The following APPL1 variants were observed in gnomAD, a reference collection of about 807,000 sequenced individuals.
APPL1 encodes DCC-interacting protein 13-alpha.
APPL1 carries 42 observed loss-of-function variants against 106.8 expected under a neutral mutation model. The observed-to-expected ratio is 0.39, with a 90% CI of 0.31 to 0.51. APPL1 has a LOEUF of 0.51. APPL1 is among the 20% of genes least tolerant of loss of function. The pLI, the probability that APPL1 is intolerant of heterozygous loss-of-function variation, is 0.75. For missense variants in APPL1, 769 were observed against 858.2 expected (o/e 0.90, Z 1.30); for synonymous variants, 263 against 281.8 (o/e 0.93, Z 0.67).
At chr3:57,238,239 C>A in intron 4 of APPL1, 123 bp downstream of exon 4, 1 of 632,956 alleles carries the variant, frequency 1.6e-6, no homozygotes, top group South Asian at 2.6e-5. Flanking sequence ...CTTAATTCCA[C>A]ATCCTGGTGG....
chr3:57,258,162 CTTTGT>C (rs1428321734), intron 15 of APPL1, among the ~76,000 whole-genome samples: 3 of 152,096 alleles, frequency 2.0e-5, no homozygotes, highest in Non-Finnish European at 4.4e-5. Flanking sequence ...CCAAAACCTA[CTTTGT>C]TTTGTTTTGA....
At position 57,227,824 on chromosome 3, in the gene APPL1, C is replaced by G. The variant is rs2060659827; in HGVS notation, c.-60C>G. 1 of 1,379,098 alleles carries G rather than the reference C, an allele frequency of 7.3e-7. No individual in the cohort carries two copies. The highest frequency in any genetic ancestry group is 9.5e-7 in the Non-Finnish European group (1 of 1,049,006). The allele number at this position is 1,379,098 out of a possible 1,614,324, so 85.4% of individuals were successfully genotyped here. ...GCCGGGGTCAGCTGCGGCGGGCGGG[C>G]CGGCGCGGGGAGCTGTGGGCGGCAG... is the stretch of plus-strand genomic sequence containing the variant. On this transcript the variant is annotated 5_prime_UTR_variant, in exon 1 of 22. Coordinates refer to ENST00000288266, the MANE Select transcript of APPL1 (RefSeq NM_012096.3).
intron 13 of APPL1, 115 bp downstream of exon 13, chr3:57,253,853 A>T: frequency 2.5e-6 from 2 of 801,486 alleles, no homozygotes; most frequent in Non-Finnish European, 3.4e-6. Flanking sequence ...TTTGACCTTG[A>T]ATGAGTAGCT....
rs1278921050 is a variant in APPL1 at position 57,257,133 on chromosome 3, AC to A, written c.1247+83del. ...GATCTGGGATTATGTTTGTACTGAA[AC>A]TTAAGACTTCTCATTGACTTATAAT... is the stretch of plus-strand genomic sequence containing the variant. On this transcript the variant is annotated intron_variant, in intron 14 of 21. Transcript: ENST00000288266. 2.6e-6 allele frequency: 4 copies of A among 1,559,236 alleles called. No individual in the cohort carries two copies. In the African/African-American group the frequency reaches 5.5e-5, roughly 21 times the overall value.
At chr3:57,231,213 T>C (rs1367682460) in intron 1 of APPL1, among the ~76,000 whole-genome samples, 2 of 150,636 alleles carry the variant, frequency 1.3e-5, no homozygotes, top group Non-Finnish European at 3.0e-5. Context: ...GTGGTGGACG[T>C]CTGTAATCCC....
intron 2 of APPL1, among the ~76,000 whole-genome samples, chr3:57,237,049 AAATT>A (rs1482747934): frequency 6.6e-6 from 1 of 152,236 alleles, no homozygotes; most frequent in East Asian, 1.9e-4. Context: ...CAAAAAAACT[AAATT>A]AAAGTTTTTC....
intron 2 of APPL1, among the ~76,000 whole-genome samples, chr3:57,236,838 T>C (rs1039585407): frequency 2.6e-5 from 4 of 152,232 alleles, no homozygotes; most frequent in Non-Finnish European, 5.9e-5. Context: ...TATACTTTCT[T>C]TGGGATTAAT....
At chr3:57,265,048 A>AT (rs1427390859) in intron 19 of APPL1, among the ~76,000 whole-genome samples, 1 of 152,072 alleles carries the variant, frequency 6.6e-6, no homozygotes, top group Non-Finnish European at 1.5e-5. Flanking sequence ...TAGTATGGAC[A>AT]TTTTAACAAT....
chr3:57,231,196 G>A (rs1043639829), intron 1 of APPL1, among the ~76,000 whole-genome samples: 7 of 151,642 alleles, frequency 4.6e-5, no homozygotes, highest in Non-Finnish European at 2.9e-5. Context: ...AAAATTAGCC[G>A]GGCGTGGTGG....
intron 19 of APPL1, among the ~76,000 whole-genome samples, chr3:57,262,316 C>T (rs1053087311): frequency 6.1e-5 from 9 of 148,232 alleles, no homozygotes; most frequent in South Asian, 4.3e-4. Context: ...AAATCTTTGC[C>T]GAGACCAATG....
intron 21 of APPL1, 115 bp from the exon 22 acceptor site, chr3:57,269,426 G>A: frequency 9.8e-7 from 1 of 1,021,250 alleles, no homozygotes; most frequent in Non-Finnish European, 1.4e-6. Flanking sequence ...GTTGTCAGAA[G>A]TATGCATACA....
chr3:57,248,131 C>G, intron 9 of APPL1, 62 bp from the exon 10 acceptor site: 1 of 1,502,158 alleles, frequency 6.7e-7, no homozygotes, highest in Non-Finnish European at 9.0e-7. Flanking sequence ...TGCAGGTAAA[C>G]ATGATTGGTA....
At chr3:57,263,755 T>C (rs2060880248) in intron 19 of APPL1, among the ~76,000 whole-genome samples, 1 of 150,596 alleles carries the variant, frequency 6.6e-6, no homozygotes, top group African/African-American at 2.5e-5. Context: ...TCTTTATCCA[T>C]TCATCTGTTG....
chr3:57,242,034 T>A, intron 5 of APPL1, 67 bp from the exon 6 acceptor site: 1 of 1,142,452 alleles, frequency 8.8e-7, no homozygotes, highest in Non-Finnish European at 1.3e-6. Flanking sequence ...TAAGTAGCAG[T>A]TATTGTTTTC....
At chr3:57,247,686 T>A (rs535506915) in intron 9 of APPL1, among the ~76,000 whole-genome samples, 2 of 152,322 alleles carry the variant, frequency 1.3e-5, no homozygotes, top group South Asian at 4.1e-4. Context: ...ATAGTGATAA[T>A]TTTATTGATT....
chr3:57,237,656 C>T, intron 3 of APPL1, 105 bp downstream of exon 3: 1 of 767,444 alleles, frequency 1.3e-6, no homozygotes. Flanking sequence ...ACAGAATATG[C>T]CATTGAAATT....
Position 57,270,441 on chromosome 3 carries a change from T to A in APPL1, c.*754T>A. On this transcript the variant is annotated 3_prime_UTR_variant, in exon 22 of 22. Transcript: ENST00000288266. ...AGAGCAGTAGTGGTTAAAAATAAGA[T>A]ATTGGAATTTATTAAAAGATTTTTG... 1 of 152,782 alleles carries A rather than the reference T, an allele frequency of 6.5e-6. No individual in the cohort carries two copies. The allele number at this position is 152,782 out of a possible 1,614,324, so 9.5% of individuals were successfully genotyped here. A position where few individuals can be genotyped will look rare whatever the true frequency, so the allele number is the denominator to read the frequency against.
intron 13 of APPL1, 27 bp downstream of exon 13, chr3:57,253,765 G>T: frequency 7.4e-7 from 1 of 1,358,548 alleles, no homozygotes; most frequent in Non-Finnish European, 9.6e-7. Context: ...ATGTTACCCA[G>T]ATCTAGCAAA....
In APPL1 at chr3:57,272,457, A is replaced by AAGAT. The variant is rs1279063835; in HGVS notation, c.*2772_*2775dup. 16 of 152,188 alleles carry AAGAT rather than the reference A, an allele frequency of 1.1e-4. No homozygotes were observed. The highest frequency in any genetic ancestry group is 1.2e-4 in the Non-Finnish European group (8 of 68,022). 9.4% of individuals were successfully genotyped at this position (152,188 alleles called of 1,614,324 possible). On this transcript the variant is annotated 3_prime_UTR_variant, in exon 22 of 22. Coordinates refer to ENST00000288266, the MANE Select transcript of APPL1 (RefSeq NM_012096.3). ...GGTCAGTAGGATGTGCATCCTAGGG[A>AAGAT]AGATAAAATCGTATATGGTAAAGGC...
Sources: gnomAD v4.1 joint callset for allele counts (sites outside exome capture counted in the v4.1 genomes callset) on GRCh38, gnomAD v4.1.1 for gene constraint, MANE v1.5 for transcripts, NCBI Gene and HGNC (gene_info 2026-07-23, HGNC 2026-07-21) for gene names.